IQGAP2: variants seen among roughly 807,000 people sequenced by gnomAD.
IQGAP2 encodes ras GTPase-activating-like protein IQGAP2.
A neutral mutation model predicts 201.3 loss-of-function variants in IQGAP2; 173 were observed. The ratio of observed to expected loss-of-function variants is 0.86; its 90% CI spans 0.76 to 0.98. The LOEUF is 0.98. IQGAP2 is among the 50% of genes least tolerant of loss of function. IQGAP2 has a pLI of 0.00. For missense variants in IQGAP2, 1,687 were observed against 1,864.8 expected (o/e 0.90, Z 1.76); for synonymous variants, 675 against 673.9 (o/e 1.00, Z -0.03).
chr5:76,579,335 G>T (rs1450365721), intron 5 of IQGAP2, among the ~76,000 whole-genome samples: 3 of 151,812 alleles, frequency 2.0e-5, no homozygotes, highest in Non-Finnish European at 4.4e-5. Context: ...ACAGATCTGG[G>T]TTTCGGATGG....
At chr5:76,686,168 G>A (rs1745720872) in intron 30 of IQGAP2, among the ~76,000 whole-genome samples, 1 of 152,072 alleles carries the variant, frequency 6.6e-6, no homozygotes, top group Admixed American at 6.5e-5. Context: ...TTGTGGTTTT[G>A]TTCCTCAGTT....
At chr5:76,499,674 C>T (rs908947461) in intron 2 of IQGAP2, among the ~76,000 whole-genome samples, 5 of 152,146 alleles carry the variant, frequency 3.3e-5, no homozygotes, top group Non-Finnish European at 1.5e-5. Context: ...AATGGTTAGT[C>T]GGCCTACTAA....
chr5:76,665,218 T>C (rs773677424), intron 22 of IQGAP2, 43 bp downstream of exon 22: 23 of 1,554,454 alleles, frequency 1.5e-5, no homozygotes, highest in South Asian at 5.7e-5. Flanking sequence ...GGAGTAATAC[T>C]ATGTTACATG....
chr5:76,568,914 G>A (rs901318944), intron 3 of IQGAP2, among the ~76,000 whole-genome samples: 3 of 152,144 alleles, frequency 2.0e-5, no homozygotes, highest in Non-Finnish European at 4.4e-5. Flanking sequence ...ACCTGTCTTG[G>A]TTCAGACTTG....
rs374455706 is a variant in IQGAP2 at position 76,562,568 on chromosome 5, T to C, written c.303+16T>C. The C allele has an allele frequency of 1.9e-6, 3 of 1,606,576 alleles. No homozygotes were observed. Among genetic ancestry groups the C allele is most frequent in the Non-Finnish European group, 2.6e-6 (3 of 1,175,526 alleles). ...ACGTTATAAGGTAACCAAGATCTAA[T>C]TGGTTTTGGCTTCCAGCTAAAAGTG... On this transcript the variant is annotated intron_variant, in intron 3 of 35. Coordinates refer to ENST00000274364, the MANE Select transcript of IQGAP2 (RefSeq NM_006633.5).
intron 2 of IQGAP2, among the ~76,000 whole-genome samples, chr5:76,538,777 T>C (rs1759768729): frequency 6.6e-6 from 1 of 152,204 alleles, no homozygotes; most frequent in Non-Finnish European, 1.5e-5. Context: ...ATCCAGTTCA[T>C]CTTCTGTGCC....
At chr5:76,650,730 G>A (rs574602690) in intron 17 of IQGAP2, among the ~76,000 whole-genome samples, 4 of 152,192 alleles carry the variant, frequency 2.6e-5, no homozygotes, top group East Asian at 3.9e-4. Flanking sequence ...CCACTAACTC[G>A]TCATTTACAT....
At chr5:76,689,299 G>A (rs1448336016) in intron 30 of IQGAP2, among the ~76,000 whole-genome samples, 5 of 149,736 alleles carry the variant, frequency 3.3e-5, no homozygotes, top group African/African-American at 1.2e-4. Context: ...GGGTCTTAGG[G>A]ATGACATAGG....
intron 12 of IQGAP2, chr5:76,607,018 T>C (rs148432982): frequency 6.6e-6 from 1 of 152,370 alleles, no homozygotes; most frequent in African/African-American, 2.4e-5. Context: ...TATGAGCTTT[T>C]GACTTGTCAG....
intron 2 of IQGAP2, among the ~76,000 whole-genome samples, chr5:76,543,060 C>T (rs1036177313): frequency 1.3e-5 from 2 of 152,112 alleles, no homozygotes; most frequent in Admixed American, 6.5e-5. Flanking sequence ...GATAATTGGC[C>T]GCTTCAGATC....
At chr5:76,704,629 T>C (rs12697858) in intron 35 of IQGAP2, among the ~76,000 whole-genome samples, 49,068 of 152,078 alleles carry the variant, frequency 0.32, 8,065 homozygotes, top group Non-Finnish European at 0.35. Flanking sequence ...AAAAATGCAG[T>C]GCCCTGTTTT....
chr5:76,575,640 A>G (rs2150281461), intron 4 of IQGAP2, 53 bp from the exon 5 acceptor site: 1 of 1,159,444 alleles, frequency 8.6e-7, no homozygotes, highest in Admixed American at 2.1e-5. Context: ...GGGAAGTTAA[A>G]ATACTTGTGA....
chr5:76,466,765 G>C (rs1201638682), intron 2 of IQGAP2, among the ~76,000 whole-genome samples: 1 of 152,152 alleles, frequency 6.6e-6, no homozygotes. Flanking sequence ...AAGAAAACAG[G>C]AGTAAATCTT....
intron 1 of IQGAP2, among the ~76,000 whole-genome samples, chr5:76,411,262 T>C (rs1751101587): frequency 6.6e-6 from 1 of 152,252 alleles, no homozygotes; most frequent in African/African-American, 2.4e-5. Context: ...CACATGGGTA[T>C]GTTATGGAAC....
rs537317971 is a variant in IQGAP2, at chr5:76,673,419, C to T, written c.3069-30C>T. 178 of 1,604,044 alleles carry T rather than the reference C, an allele frequency of 1.1e-4. 2 individuals are homozygous for T. The South Asian group carries it at 1.9e-3, about 17-fold the overall frequency. ...AAAATTAATGCTTGTACCTAAGCCT[C>T]CAGTTAATTTAAAGCCTTTGTGTTT... is the stretch of plus-strand genomic sequence containing the variant. On this transcript the variant is annotated intron_variant, in intron 24 of 35. Coordinates refer to ENST00000274364, the MANE Select transcript of IQGAP2 (RefSeq NM_006633.5).
At chr5:76,419,812 G>A (rs941941131) in intron 1 of IQGAP2, among the ~76,000 whole-genome samples, 4 of 151,928 alleles carry the variant, frequency 2.6e-5, no homozygotes, top group Non-Finnish European at 4.4e-5. Context: ...CATTGGGATG[G>A]CTCACCCCTA....
intron 13 of IQGAP2, among the ~76,000 whole-genome samples, chr5:76,621,367 A>C (rs980142194): frequency 6.6e-6 from 1 of 152,214 alleles, no homozygotes; most frequent in Non-Finnish European, 1.5e-5. Flanking sequence ...AAAATTTGGG[A>C]GGCAGCATTC....
At chr5:76,706,574 C>T (rs1180462107) in intron 35 of IQGAP2, among the ~76,000 whole-genome samples, 2 of 152,120 alleles carry the variant, frequency 1.3e-5, no homozygotes, top group Non-Finnish European at 2.9e-5. Flanking sequence ...TCTCACTCTC[C>T]TGACCTCAAG....
At chr5:76,490,869 A>G (rs1218847706) in intron 2 of IQGAP2, among the ~76,000 whole-genome samples, 2 of 152,164 alleles carry the variant, frequency 1.3e-5, no homozygotes, top group Admixed American at 6.5e-5. Flanking sequence ...GGGCTGAACA[A>G]CCTTGAGCAT....
Sources: gnomAD v4.1 joint callset for allele counts (sites outside exome capture counted in the v4.1 genomes callset) on GRCh38, gnomAD v4.1.1 for gene constraint, MANE v1.5 for transcripts, NCBI Gene and HGNC (gene_info 2026-07-23, HGNC 2026-07-21) for gene names.